IL10RB: variants seen among roughly 807,000 people sequenced by gnomAD.
The protein encoded by IL10RB is interleukin-10 receptor subunit beta.
Under a neutral mutation model 38.7 loss-of-function variants are expected in IL10RB, and 30 were observed. The ratio of observed to expected loss-of-function variants is 0.78; its 90% CI spans 0.58 to 1.05. The LOEUF is 1.05. Among genes scored for constraint, IL10RB ranks in the 50% least tolerant of loss-of-function variants. IL10RB has a pLI of 0.00. For synonymous variants in IL10RB, 142 were observed against 145.9 expected (o/e 0.97, Z 0.19); for missense variants, 328 against 397.1 (o/e 0.83, Z 1.48).
intron 5 of IL10RB, among the ~76,000 whole-genome samples, chr21:33,283,645 T>C (rs1422144419): frequency 1.3e-5 from 2 of 152,140 alleles, no homozygotes; most frequent in Non-Finnish European, 1.5e-5. Flanking sequence ...ACTGCCGACA[T>C]GTGATGGGAA....
intron 4 of IL10RB, among the ~76,000 whole-genome samples, chr21:33,280,928 C>T (rs576586415): frequency 6.6e-6 from 1 of 152,298 alleles, no homozygotes; most frequent in Non-Finnish European, 1.5e-5. Context: ...TTAGTCCTTT[C>T]CTGCTGCCAC....
At position 33,296,314 on chromosome 21, in the gene IL10RB, G is replaced by A. The variant is rs1436407529; in HGVS notation, c.935G>A (p.Ser312Asn). The change falls in exon 7 of 7, where the codon AGC becomes AAC. Residue 312 changes from serine (S) to asparagine (N), a missense_variant. Physicochemically the swap from Ser to Asn is conservative, Grantham distance 46 (BLOSUM62 1). Coordinates refer to ENST00000290200, the MANE Select transcript of IL10RB (RefSeq NM_000628.5). ...AGCGGCAAGCAGAATCCTGGTGACA[G>A]CTGCAGCCTCGGGACCCCGCCTGGG... ...SESGKQNPGD[S>N]CSLGTPPGQG... 5.0e-6 allele frequency: 8 copies of A among 1,613,940 alleles called. No individual in the cohort carries two copies. Among genetic ancestry groups the A allele is most frequent in the Admixed American group, 1.7e-5 (1 of 60,000 alleles).
intron 5 of IL10RB, among the ~76,000 whole-genome samples, chr21:33,283,809 G>C (rs1041836304): frequency 6.6e-6 from 1 of 152,020 alleles, no homozygotes; most frequent in African/African-American, 2.4e-5. Context: ...AAAGAGAGAA[G>C]GTTCCCATGG....
At chr21:33,284,879 A>AT (rs1989345430) in intron 5 of IL10RB, among the ~76,000 whole-genome samples, 1 of 152,058 alleles carries the variant, frequency 6.6e-6, no homozygotes, top group East Asian at 1.9e-4. Flanking sequence ...TTCTTTATAA[A>AT]TTACCCAGTT....
At chr21:33,292,939 C>T (rs8178552) in intron 6 of IL10RB, among the ~76,000 whole-genome samples, 1 of 152,322 alleles carries the variant, frequency 6.6e-6, no homozygotes, top group African/African-American at 2.4e-5. Flanking sequence ...CAGCAGCCTC[C>T]TGTGTGGTTT....
chr21:33,301,485 A>C (rs2082985887), downstream of IL10RB, among the ~76,000 whole-genome samples: 1 of 152,236 alleles, frequency 6.6e-6, no homozygotes. Flanking sequence ...GAGCAGGAGG[A>C]GTCATGGCAA....
chr21:33,299,286 G>A (rs900446777), downstream of IL10RB, among the ~76,000 whole-genome samples: 1 of 152,166 alleles, frequency 6.6e-6, no homozygotes, highest in Admixed American at 6.5e-5. Context: ...CCCAGACAAA[G>A]GATGCCACTT....
intron 3 of IL10RB, among the ~76,000 whole-genome samples, chr21:33,277,562 G>T (rs1485554130): frequency 6.6e-6 from 1 of 151,664 alleles, no homozygotes; most frequent in African/African-American, 2.4e-5. Flanking sequence ...TAAAAGAATT[G>T]TCTCTGGCTA....
chr21:33,279,070 G>C (rs1989232652), intron 3 of IL10RB, among the ~76,000 whole-genome samples: 1 of 152,180 alleles, frequency 6.6e-6, no homozygotes, highest in African/African-American at 2.4e-5. Context: ...TAAATAAATA[G>C]ATACATATTA....
At chr21:33,276,435 A>T (rs912143341) in intron 2 of IL10RB, among the ~76,000 whole-genome samples, 161 bp from the exon 3 acceptor site, 1 of 152,120 alleles carries the variant, frequency 6.6e-6, no homozygotes, top group Admixed American at 6.6e-5. Flanking sequence ...AGTCATTAAG[A>T]TGTTCAAGTC....
In IL10RB at chr21:33,304,854, A is replaced by G. The variant is rs375919967; in HGVS notation, c.130-4122A>G. 3.3e-5 allele frequency among the ~76,000 whole-genome samples: 5 copies of G among 152,222 alleles called. No individual in the cohort carries two copies. In the East Asian group the frequency reaches 7.7e-4, roughly 23 times the overall value. ...TTTTATTGGTGGCATCACAAACACTATGTGATTAGTCATTGTCTTGTCTCA... is the reference window on the plus strand; with the variant it reads ...TTTTATTGGTGGCATCACAAACACTGTGTGATTAGTCATTGTCTTGTCTCA... On this transcript the variant is annotated intron_variant, in intron 1 of 1. Coordinates refer to the IL10RB transcript ENST00000609556.
downstream of IL10RB, among the ~76,000 whole-genome samples, chr21:33,298,613 CTAAA>C (rs767125252): frequency 2.8e-4 from 42 of 151,784 alleles, no homozygotes; most frequent in Admixed American, 7.2e-4. Flanking sequence ...GACTCCATCT[CTAAA>C]TAAATAAATA....
chr21:33,304,743 T>C (rs764008310), intron 1 of IL10RB, among the ~76,000 whole-genome samples: 1 of 152,250 alleles, frequency 6.6e-6, no homozygotes, highest in Non-Finnish European at 1.5e-5. Context: ...ATGAAATTGA[T>C]GTTTCAGTTG....
chr21:33,298,260 G>A (rs1400381446), downstream of IL10RB, among the ~76,000 whole-genome samples: 10 of 152,150 alleles, frequency 6.6e-5, no homozygotes, highest in Admixed American at 6.5e-5. Flanking sequence ...ACCATCATAG[G>A]GAGGGTAGAT....
chr21:33,295,018 G>A (rs774990615), intron 6 of IL10RB, among the ~76,000 whole-genome samples: 2 of 152,186 alleles, frequency 1.3e-5, no homozygotes, highest in Non-Finnish European at 2.9e-5. Flanking sequence ...GTCTGATAGA[G>A]CATATTGCAA....
downstream of IL10RB, among the ~76,000 whole-genome samples, chr21:33,299,492 G>A (rs1036296368): frequency 2.6e-5 from 4 of 152,270 alleles, no homozygotes; most frequent in Non-Finnish European, 5.9e-5. Flanking sequence ...CTTCCTCCTC[G>A]CTCTTTCTGG....
At chr21:33,274,845 C>T (rs575498725) in intron 2 of IL10RB, among the ~76,000 whole-genome samples, 4 of 152,326 alleles carry the variant, frequency 2.6e-5, no homozygotes, top group South Asian at 4.1e-4. Context: ...CTTAAAGTCA[C>T]CAGCTACATT....
intron 1 of IL10RB, among the ~76,000 whole-genome samples, chr21:33,307,286 C>T (rs1458134098): frequency 6.6e-6 from 1 of 152,194 alleles, no homozygotes; most frequent in Non-Finnish European, 1.5e-5. Context: ...CAAATCCTGC[C>T]TTGAGATCAA....
intron 1 of IL10RB, among the ~76,000 whole-genome samples, chr21:33,305,114 T>TTTG (rs1015666136): frequency 3.9e-5 from 6 of 152,030 alleles, no homozygotes. Flanking sequence ...TTCAACTGTT[T>TTTG]TTGTTGTTGT....
Sources: allele counts gnomAD v4.1 joint callset (sites outside exome capture counted in the v4.1 genomes callset), GRCh38; gene constraint gnomAD v4.1.1; transcripts MANE v1.5; gene names NCBI Gene and HGNC (gene_info 2026-07-23, HGNC 2026-07-21).